The following NBEA variants were observed in gnomAD, a reference collection of about 807,000 sequenced individuals.
The protein encoded by NBEA is neurobeachin, also known as lysosomal-trafficking regulator 2.
In NBEA, 44 loss-of-function variants were observed where a neutral mutation model predicts 343.4. The observed-to-expected ratio is 0.13, with a 90% CI of 0.10 to 0.16. NBEA has a LOEUF of 0.16. NBEA is among the 10% of genes least tolerant of loss of function. The pLI is 1.00. For missense variants in NBEA, 2,555 were observed against 3,631.3 expected (o/e 0.70, Z 7.62); for synonymous variants, 1,175 against 1,238.7 (o/e 0.95, Z 1.08).
chr13:34,980,290 G>C (rs891698216), intron 1 of NBEA, among the ~76,000 whole-genome samples: 1 of 151,738 alleles, frequency 6.6e-6, no homozygotes, highest in South Asian at 2.1e-4. Flanking sequence ...TAATGAGGGG[G>C]AAGAGGAGAT....
Position 35,324,179 on chromosome 13 carries a change from G to A in NBEA, c.5903+14587G>A, listed in dbSNP as rs139711010. ...ATAGATGTTGTGCACGTAGCCAAAGGATACACCAAAGGTGAGAAGTGAGGA... is the reference window on the plus strand; with the variant it reads ...ATAGATGTTGTGCACGTAGCCAAAGAATACACCAAAGGTGAGAAGTGAGGA... On this transcript the variant is annotated intron_variant, in intron 36 of 58. Coordinates refer to ENST00000379939, the MANE Select transcript of NBEA (RefSeq NM_001385012.1). Among the ~76,000 whole-genome samples the A allele has an allele frequency of 8.0e-3, 1,218 of 152,212 alleles. 5 individuals are homozygous for A. The highest frequency in any genetic ancestry group is 9.9e-3 in the Non-Finnish European group (676 of 68,020).
chr13:35,114,833 T>C (rs1455437344), intron 13 of NBEA, among the ~76,000 whole-genome samples: 1 of 152,232 alleles, frequency 6.6e-6, no homozygotes, highest in Non-Finnish European at 1.5e-5. Context: ...TATAGTAGAA[T>C]GTAAGGTTCT....
At chr13:35,630,627 G>A (rs1215645545) in intron 49 of NBEA, among the ~76,000 whole-genome samples, 1 of 152,142 alleles carries the variant, frequency 6.6e-6, no homozygotes, top group Non-Finnish European at 1.5e-5. Flanking sequence ...GAGTCATACT[G>A]TGAAATGTTA....
At chr13:35,077,267 A>C (rs1648407057) in intron 10 of NBEA, among the ~76,000 whole-genome samples, 1 of 152,078 alleles carries the variant, frequency 6.6e-6, no homozygotes, top group Non-Finnish European at 1.5e-5. Context: ...GCTTGCCTTC[A>C]ATTTAGGCTT....
Position 35,525,883 on chromosome 13 carries a change from A to G in NBEA, c.6586-24594A>G, listed in dbSNP as rs78046514. On this transcript the variant is annotated intron_variant, in intron 41 of 58. Coordinates refer to ENST00000379939, the MANE Select transcript of NBEA (RefSeq NM_001385012.1). ...GAAGAGGGTTTCCCAAGCCTCTTCTATAAGGGTACTAATTCCTTCCCAAAG... is the reference window on the plus strand; with the variant it reads ...GAAGAGGGTTTCCCAAGCCTCTTCTGTAAGGGTACTAATTCCTTCCCAAAG... Among the ~76,000 whole-genome samples, 193 of 152,190 alleles carry G rather than the reference A, an allele frequency of 1.3e-3. 2 individuals carry two copies. In the East Asian group the frequency reaches 0.028, roughly 22 times the overall value.
chr13:35,253,747 T>G (rs574213251), intron 34 of NBEA, among the ~76,000 whole-genome samples: 3 of 152,316 alleles, frequency 2.0e-5, no homozygotes, highest in East Asian at 3.9e-4. Context: ...AGAGACCATG[T>G]AGTTCACAAA....
intron 40 of NBEA, among the ~76,000 whole-genome samples, chr13:35,458,980 G>A (rs1433658927): frequency 1.4e-5 from 2 of 143,874 alleles, no homozygotes; most frequent in South Asian, 2.3e-4. Flanking sequence ...TTTTCATAAT[G>A]GTAAGTTTAT....
At chr13:35,548,512 A>G (rs556628920) in intron 41 of NBEA, among the ~76,000 whole-genome samples, 1 of 152,162 alleles carries the variant, frequency 6.6e-6, no homozygotes, top group African/African-American at 2.4e-5. Context: ...ACATAATGCT[A>G]TGGGTATAAG....
chr13:35,476,132 C>A (rs1361905878), intron 41 of NBEA: 1 of 1,613,892 alleles, frequency 6.2e-7, no homozygotes, highest in East Asian at 2.2e-5. Flanking sequence ...GCCTGGGCCG[C>A]AATCATGTTG....
At chr13:35,637,976 C>G (rs1227199700) in intron 49 of NBEA, among the ~76,000 whole-genome samples, 1 of 151,990 alleles carries the variant, frequency 6.6e-6, no homozygotes, top group Non-Finnish European at 1.5e-5. Context: ...CATGGATGAA[C>G]CTTAAGGACA....
chr13:34,971,937 C>T lies in NBEA; in HGVS notation c.294+28823C>T, dbSNP rs570891548. Among the ~76,000 whole-genome samples, 6 of 151,820 alleles carry T rather than the reference C, an allele frequency of 4.0e-5. No individual in the cohort carries two copies. The South Asian group carries it at 6.2e-4, about 16-fold the overall frequency. On this transcript the variant is annotated intron_variant, in intron 1 of 58. Coordinates refer to ENST00000379939, the MANE Select transcript of NBEA (RefSeq NM_001385012.1). ...GGAATGGTACTAGCTCTTCTTTGCA[C>T]GTCTGGTAGAATTCAGCTGTGAATC...
At chr13:35,276,779 T>C (rs529656698) in intron 34 of NBEA, among the ~76,000 whole-genome samples, 1 of 152,342 alleles carries the variant, frequency 6.6e-6, no homozygotes, top group South Asian at 2.1e-4. Context: ...TAAATGTGAA[T>C]AGACTATAAG....
chr13:35,213,543 A>G (rs2073902396), intron 33 of NBEA, among the ~76,000 whole-genome samples: 2 of 152,030 alleles, frequency 1.3e-5, no homozygotes, highest in South Asian at 4.2e-4. Flanking sequence ...GTGGGGCTAT[A>G]TAGGTCTCTT....
intron 4 of NBEA, among the ~76,000 whole-genome samples, chr13:35,046,357 A>G (rs1322712729): frequency 6.6e-6 from 1 of 152,070 alleles, no homozygotes; most frequent in East Asian, 1.9e-4. Context: ...GAAACTGTCT[A>G]CTCGTTTTCT....
rs1444127830 is a variant in NBEA at position 35,599,137 on chromosome 13, A to G, written c.7296+5690A>G. Among the ~76,000 whole-genome samples the G allele has an allele frequency of 3.3e-5, 5 of 152,260 alleles. No individual in the cohort carries two copies. In the South Asian group the frequency reaches 1.0e-3, roughly 32 times the overall value. On this transcript the variant is annotated intron_variant, in intron 47 of 58. Coordinates refer to ENST00000379939, the MANE Select transcript of NBEA (RefSeq NM_001385012.1). Reference sequence around the variant, plus strand: ...CTACTTAAGAGGGACTGCTTCCAATAACAACTTCCTTGCTGATCTTCCAGA... The same window carrying G: ...CTACTTAAGAGGGACTGCTTCCAATGACAACTTCCTTGCTGATCTTCCAGA...
chr13:34,974,620 C>A (rs1593329147), intron 1 of NBEA, among the ~76,000 whole-genome samples: 1 of 152,000 alleles, frequency 6.6e-6, no homozygotes, highest in Non-Finnish European at 1.5e-5. Flanking sequence ...AAGAGAATTG[C>A]CCGTATGAGT....
intron 36 of NBEA, among the ~76,000 whole-genome samples, chr13:35,345,045 T>C (rs1366090551): frequency 6.6e-6 from 1 of 152,112 alleles, no homozygotes; most frequent in African/African-American, 2.4e-5. Flanking sequence ...TGGGGCAAAC[T>C]GGAAGACGGT....
At chr13:35,178,871 C>G (rs117453286) in intron 28 of NBEA, among the ~76,000 whole-genome samples, 2 of 151,120 alleles carry the variant, frequency 1.3e-5, no homozygotes, top group East Asian at 3.9e-4. Context: ...GAATAGTCAT[C>G]CTGAAAAAAT....
rs145653998 is a variant in NBEA, at chr13:35,255,648, A to G, written c.5776+23029A>G. The stretch of plus-strand genomic sequence containing the variant: ...TGAGGGCAAGATGATAGCACCTGGA[A>G]GCTTGGAGACGCCAGAAATTACAGA... On this transcript the variant is annotated intron_variant, in intron 34 of 58. Transcript: ENST00000379939. 4.4e-3 allele frequency among the ~76,000 whole-genome samples: 663 copies of G among 152,342 alleles called. 5 individuals carry two copies. The highest frequency in any genetic ancestry group is 0.015 in the African/African-American group (639 of 41,586).
Sources: allele counts gnomAD v4.1 joint callset (sites outside exome capture counted in the v4.1 genomes callset), GRCh38; gene constraint gnomAD v4.1.1; transcripts MANE v1.5; gene names NCBI Gene and HGNC (gene_info 2026-07-23, HGNC 2026-07-21).